The following TET1 variants were observed in gnomAD, a reference collection of about 807,000 sequenced individuals.
The protein encoded by TET1 is methylcytosine dioxygenase TET1.
A neutral mutation model predicts 148.7 loss-of-function variants in TET1; 13 were observed. That is an observed-to-expected ratio of 0.09 (90% CI 0.06 to 0.14). TET1 has a LOEUF of 0.14. Ranked by LOEUF, TET1 falls within the 10% of genes least tolerant of loss-of-function variation. The pLI is 1.00. For synonymous variants in TET1, 907 were observed against 937.2 expected, an observed-to-expected ratio of 0.97 and a Z score of 0.59; for missense variants, 2,182 against 2,553.8, an observed-to-expected ratio of 0.85 and a Z score of 3.14.
At chr10:68,562,820 C>T (rs2053568536) in intron 1 of TET1, among the ~76,000 whole-genome samples, 1 of 152,032 alleles carries the variant, frequency 6.6e-6, no homozygotes, top group Admixed American at 6.6e-5. Context: ...ATCTTCCCTG[C>T]ACACTTGATT....
intron 3 of TET1, among the ~76,000 whole-genome samples, chr10:68,616,749 C>T (rs2054296070): frequency 6.6e-6 from 1 of 151,542 alleles, no homozygotes; most frequent in Non-Finnish European, 1.5e-5. Context: ...GCTCTGTCGC[C>T]CAGGCTGGAG....
At chr10:68,574,612 G>A (rs1225279847) in intron 2 of TET1, among the ~76,000 whole-genome samples, 1 of 152,098 alleles carries the variant, frequency 6.6e-6, no homozygotes, top group East Asian at 1.9e-4. Flanking sequence ...GTCTTTTTTG[G>A]CAGTCACAGA....
chr10:68,640,170 G>A (rs538606094), intron 3 of TET1, among the ~76,000 whole-genome samples: 3 of 150,716 alleles, frequency 2.0e-5, no homozygotes, highest in African/African-American at 7.3e-5. Context: ...CAGGTGATCC[G>A]CCTGCCTCGA....
intron 2 of TET1, among the ~76,000 whole-genome samples, chr10:68,588,273 A>C (rs1427613031): frequency 4.6e-5 from 7 of 152,230 alleles, no homozygotes; most frequent in Non-Finnish European, 1.5e-5. Context: ...GTGCATCACT[A>C]TGCTCAGCCT....
chr10:68,691,829 C>G lies in TET1; in HGVS notation c.*15C>G. 6.3e-7 allele frequency: 1 copy of G among 1,591,448 alleles called. No homozygotes were observed. Among genetic ancestry groups the G allele is most frequent in the Non-Finnish European group, 8.5e-7 (1 of 1,170,040 alleles). ...ATTGGGTCTGAAGGCTTTTCTCCCC[C>G]TCTTAATGCCTTTGCTAGTGCAGTG... On this transcript the variant is annotated 3_prime_UTR_variant, in exon 12 of 12. Coordinates refer to ENST00000373644, the MANE Select transcript of TET1 (RefSeq NM_030625.3). This position sits in a 1 kb window ranked among gnomAD's most constrained non-coding sequence, Gnocchi z 4.4.
In TET1 at chr10:68,646,451, A is replaced by G; in HGVS notation, c.3722A>G (p.Gln1241Arg). The part of the protein sequence containing the change: ...QPKTVFPPLT[Q>R]IKLQRYPESA... The stretch of plus-strand genomic sequence containing the variant: ...AAAACAGTATTTCCACCACTCACTC[A>G]GATAAAATTACAGAGATATCCTGAA... Residue 1241 changes from glutamine to arginine, a missense_variant, in exon 4 of 12, where the codon CAG (glutamine) becomes CGG (arginine). Transcript: ENST00000373644. 1 of 1,614,236 alleles carries G rather than the reference A, an allele frequency of 6.2e-7. No individual in the cohort carries two copies. The highest frequency in any genetic ancestry group is 2.2e-5 in the East Asian group (1 of 44,894).
intron 2 of TET1, among the ~76,000 whole-genome samples, chr10:68,579,966 T>C (rs2053773755): frequency 6.6e-6 from 1 of 151,924 alleles, no homozygotes; most frequent in African/African-American, 2.4e-5. Flanking sequence ...TTCACTCTTG[T>C]TGCCCAGGCT....
At chr10:68,673,960 C>CTTTTTTTTTTTTTTTTTTTTTTTTTTTTT (rs869073350) in intron 8 of TET1, among the ~76,000 whole-genome samples, 1 of 72,398 alleles carries the variant, frequency 1.4e-5, no homozygotes, top group Non-Finnish European at 2.9e-5. Flanking sequence ...TTTTCTTTTT[C>CTTTTTTTTTTTTTTTTTTTTTTTTTTTTT]TTTTTTTTTT....
At position 68,621,253 on chromosome 10, in the gene TET1, T is replaced by G. The variant is rs1945468029; in HGVS notation, c.1968+20219T>G. ...GTGTTTCTTGTTGTTGTTGTTGTTGTTGTTTTGAGACGGAGTTTCACTCTT... is the reference window on the plus strand; with the variant it reads ...GTGTTTCTTGTTGTTGTTGTTGTTGGTGTTTTGAGACGGAGTTTCACTCTT... On this transcript the variant is annotated intron_variant, in intron 3 of 11. Transcript: ENST00000373644. Among the ~76,000 whole-genome samples the G allele has an allele frequency of 2.0e-5, 3 of 152,228 alleles. No individual in the cohort carries two copies. The South Asian group carries it at 6.2e-4, about 32-fold the overall frequency.
In TET1 at chr10:68,686,377, G is replaced by A. The variant is rs772997622; in HGVS notation, c.5074G>A (p.Asp1692Asn). 1.0e-5 allele frequency: 16 copies of A among 1,607,832 alleles called. No individual in the cohort carries two copies. In the Admixed American group the frequency reaches 2.5e-4, roughly 25 times the overall value. The change falls in exon 11 of 12, where the codon GAT (aspartate) becomes AAT (asparagine). Residue 1692 changes from aspartate (D) to asparagine (N), a missense_variant. Asp to Asn is a conservative substitution (Grantham distance 23, BLOSUM62 1). Around this residue, in one of 11 missense-constraint regions of TET1, gnomAD observed 380 missense variants for 387.9 expected, o/e 0.98. Transcript: ENST00000373644. ...TCAGGTTTGTACCTTAACTCGAGAA[G>A]ATAACCGCTCTTTGGGTGTTATTCC... ...STVVCTLTRE[D>N]NRSLGVIPQD... is the part of the protein sequence containing the mutation.
chr10:68,611,021 G>A (rs1181923879), intron 3 of TET1, among the ~76,000 whole-genome samples: 1 of 152,026 alleles, frequency 6.6e-6, no homozygotes, highest in African/African-American at 2.4e-5. Context: ...TAGGCTGGGC[G>A]CAGTGGCTCA....
At chr10:68,682,318 C>T (rs2055448008) in intron 9 of TET1, among the ~76,000 whole-genome samples, 1 of 151,712 alleles carries the variant, frequency 6.6e-6, no homozygotes, top group African/African-American at 2.4e-5. Context: ...CACCATGTTT[C>T]CCAGGCTGCT....
At chr10:68,566,293 C>T (rs776754253) in intron 1 of TET1, among the ~76,000 whole-genome samples, 2 of 152,058 alleles carry the variant, frequency 1.3e-5, no homozygotes, top group Non-Finnish European at 2.9e-5. Context: ...TTAATGATAT[C>T]GTTGAATTTC....
Position 68,645,870 on chromosome 10 carries a change from T to C in TET1, c.3141T>C (p.Tyr1047=). The C allele has an allele frequency of 6.2e-7, 1 of 1,614,092 alleles. No homozygotes were observed. Among genetic ancestry groups the C allele is most frequent in the Non-Finnish European group, 8.5e-7 (1 of 1,180,020 alleles). The change falls in exon 4 of 12, where the codon TAT becomes TAC. Residue 1047 remains tyrosine (Y), a synonymous_variant. Transcript: ENST00000373644. ...CACCAAGAAATAATGAAGTGGAGTATTGCAACCAGTTACTGGACAGCAGCA... is the reference window on the plus strand; with the variant it reads ...CACCAAGAAATAATGAAGTGGAGTACTGCAACCAGTTACTGGACAGCAGCA... ...QLPPRNNEVE[Y]CNQLLDSSKK...
intron 3 of TET1, among the ~76,000 whole-genome samples, chr10:68,620,082 T>C (rs1010372147): frequency 7.2e-5 from 11 of 152,142 alleles, no homozygotes; most frequent in African/African-American, 2.4e-4. Context: ...TAACCCCAGA[T>C]ACCTGGGAGG....
Position 68,645,760 on chromosome 10 carries a change from A to G in TET1, c.3031A>G (p.Asn1011Asp). 1 of 1,614,190 alleles carries G rather than the reference A, an allele frequency of 6.2e-7. No individual in the cohort carries two copies. Among genetic ancestry groups the G allele is most frequent in the Non-Finnish European group, 8.5e-7 (1 of 1,180,026 alleles). ...ATTATCTCTTTTTATACCAAAATCAAATTCATCCAAGATTGACACCAATAA... is the reference window on the plus strand; with the variant it reads ...ATTATCTCTTTTTATACCAAAATCAGATTCATCCAAGATTGACACCAATAA... ...NSLSLFIPKS[N>D]SSKIDTNKSI... is the part of the protein sequence containing the mutation. The change falls in exon 4 of 12, where the codon AAT (asparagine) becomes GAT (aspartate). Residue 1011 changes from asparagine to aspartate, a missense_variant. Transcript: ENST00000373644.
chr10:68,634,082 A>G (rs1483877925), intron 3 of TET1, among the ~76,000 whole-genome samples: 4 of 152,078 alleles, frequency 2.6e-5, no homozygotes, highest in Non-Finnish European at 1.5e-5. Flanking sequence ...ACGGGGTTTC[A>G]CCATGTTGCC....
intron 7 of TET1, among the ~76,000 whole-genome samples, chr10:68,668,411 G>A (rs1163823100): frequency 1.3e-5 from 2 of 152,148 alleles, no homozygotes; most frequent in African/African-American, 4.8e-5. Flanking sequence ...CGATATTCGG[G>A]GAACTGCTCT....
At chr10:68,615,481 G>A (rs987529359) in intron 3 of TET1, among the ~76,000 whole-genome samples, 7 of 151,064 alleles carry the variant, frequency 4.6e-5, no homozygotes, top group African/African-American at 1.5e-4. Context: ...GAGTAGCTGG[G>A]ACTGCAGGCA....
Sources: gnomAD v4.1 joint callset for allele counts (sites outside exome capture counted in the v4.1 genomes callset) on GRCh38, gnomAD v4.1.1 for gene constraint, gnomAD v4.1.1 regional missense constraint, Gnocchi (gnomAD v3.1) non-coding constraint, MANE v1.5 for transcripts, NCBI Gene and HGNC (gene_info 2026-07-23, HGNC 2026-07-21) for gene names.